SDHB: variants seen among roughly 807,000 people sequenced by gnomAD.
The protein encoded by SDHB is succinate dehydrogenase [ubiquinone] iron-sulfur subunit, mitochondrial.
A neutral mutation model predicts 39.7 loss-of-function variants in SDHB; 21 were observed. The observed-to-expected ratio is 0.53, with a 90% confidence interval of 0.37 to 0.76. The LOEUF (loss-of-function observed/expected upper bound fraction) is 0.76, where lower values mean the gene tolerates loss of function less well. SDHB is among the 30% of genes least tolerant of loss of function. The pLI, the probability that SDHB is intolerant of heterozygous loss-of-function variation, is 0.00. For synonymous variants in SDHB, 118 were observed against 117.0 expected (o/e 1.01, Z -0.06); for missense variants, 343 against 350.9 (o/e 0.98, Z 0.18).
At chr1:17,026,519 C>T (rs1227201500) in intron 5 of SDHB, among the ~76,000 whole-genome samples, 1 of 151,350 alleles carries the variant, frequency 6.6e-6, no homozygotes, top group Non-Finnish European at 1.5e-5. Context: ...TGTGAGCCAC[C>T]ACACTCAGCT....
chr1:17,025,273 A>G (rs547521859), intron 5 of SDHB, among the ~76,000 whole-genome samples: 3 of 152,374 alleles, frequency 2.0e-5, no homozygotes, highest in African/African-American at 4.8e-5. Flanking sequence ...TCACAATAAC[A>G]TAAGTGAAAA....
chr1:17,053,988 C>G lies in SDHB; in HGVS notation c.32G>C (p.Arg11Pro). The change falls in exon 1 of 8, where the codon CGC becomes CCC. Residue 11 changes from arginine to proline, a missense_variant. Coordinates refer to ENST00000375499, the MANE Select transcript of SDHB (RefSeq NM_003000.3). The stretch of plus-strand genomic sequence containing the variant: ...GCCAAGGGTTGTGGCCGGCAACCGG[C>G]GCCTCAAGGAGAGGGCGACCACCGC... MAAVVALSLR[R>P]RLPATTLGGA... 1.9e-6 allele frequency: 3 copies of G among 1,612,962 alleles called. No homozygotes were observed. The East Asian group carries it at 6.7e-5, about 36-fold the overall frequency.
intron 2 of SDHB, 115 bp from the exon 3 acceptor site, chr1:17,033,260 T>A (rs1358529648): frequency 8.4e-6 from 7 of 836,070 alleles, no homozygotes; most frequent in Non-Finnish European, 1.4e-5. Context: ...TCTTCTCAGG[T>A]CACCTTCGGA....
chr1:17,041,496 C>T (rs1340847594), intron 2 of SDHB, among the ~76,000 whole-genome samples: 2 of 151,938 alleles, frequency 1.3e-5, no homozygotes, highest in African/African-American at 4.8e-5. Flanking sequence ...ATGGCGAAAC[C>T]CCAACTCTAC....
Position 17,053,998 on chromosome 1 carries a change from A to G in SDHB, c.22T>C (p.Ser8Pro), listed in dbSNP as rs777447369. 2 of 1,612,738 alleles carry G rather than the reference A, an allele frequency of 1.2e-6. No individual in the cohort carries two copies. Among genetic ancestry groups the G allele is most frequent in the Non-Finnish European group, 1.7e-6 (2 of 1,179,552 alleles). The stretch of plus-strand genomic sequence containing the variant: ...GTGGCCGGCAACCGGCGCCTCAAGG[A>G]GAGGGCGACCACCGCCGCCATCTTG... MAAVVAL[S>P]LRRRLPATTL... is the part of the protein sequence containing the mutation. Residue 8 changes from serine to proline, a missense_variant, in exon 1 of 8, where the codon TCC (serine) becomes CCC (proline). By Grantham distance (74) the Ser-to-Pro change is moderately conservative (BLOSUM62 -1). Coordinates refer to ENST00000375499, the MANE Select transcript of SDHB (RefSeq NM_003000.3).
intron 3 of SDHB, among the ~76,000 whole-genome samples, chr1:17,029,070 G>A (rs992625509): frequency 7.7e-6 from 1 of 129,888 alleles, no homozygotes; most frequent in African/African-American, 2.7e-5. Context: ...CATGTGTCAC[G>A]TGTTTTGAAG....
intron 7 of SDHB, among the ~76,000 whole-genome samples, chr1:17,021,792 CT>C (rs2101512172): frequency 6.6e-6 from 1 of 152,288 alleles, no homozygotes; most frequent in Admixed American, 6.5e-5. Context: ...TTCTCTTGCC[CT>C]TCTGCCTTTT....
chr1:17,049,701 C>CCAG (rs1167986553), intron 1 of SDHB, among the ~76,000 whole-genome samples: 1 of 110,460 alleles, frequency 9.1e-6, no homozygotes, highest in Non-Finnish European at 1.7e-5. Flanking sequence ...ACTCTGTCAC[C>CCAG]CAGGCTGGAG....
At chr1:17,027,990 A>G (rs998688007) in intron 4 of SDHB, 125 bp from the exon 5 acceptor site, 1 of 696,586 alleles carries the variant, frequency 1.4e-6, no homozygotes, top group Non-Finnish European at 2.6e-6. Context: ...GGCAGAAGCC[A>G]GACTCTTTTC....
chr1:17,023,644 A>C (rs1328077378), intron 6 of SDHB, among the ~76,000 whole-genome samples: 1 of 152,174 alleles, frequency 6.6e-6, no homozygotes, highest in Admixed American at 6.5e-5. Flanking sequence ...CTTGCTCGCT[A>C]CAAGTCTTAT....
At chr1:17,035,254 C>T (rs1258935193) in intron 2 of SDHB, among the ~76,000 whole-genome samples, 1 of 152,144 alleles carries the variant, frequency 6.6e-6, no homozygotes, top group Non-Finnish European at 1.5e-5. Flanking sequence ...AAACAGACCA[C>T]TGCCCTTCCT....
At chr1:17,047,256 A>G (rs9435748) in intron 1 of SDHB, among the ~76,000 whole-genome samples, 63,896 of 151,420 alleles carry the variant, frequency 0.42, 15,093 homozygotes, top group Non-Finnish European at 0.54. Context: ...CTCGGGAGGC[A>G]GAGGCAGGAG....
intron 2 of SDHB, among the ~76,000 whole-genome samples, chr1:17,041,673 A>G (rs933964485): frequency 1.3e-5 from 2 of 152,232 alleles, no homozygotes; most frequent in Admixed American, 6.5e-5. Context: ...AAATAAAAAA[A>G]TAAAAAAGAA....
intron 1 of SDHB, chr1:17,052,223 CAATAGTT>C (rs1420393207): frequency 6.6e-6 from 1 of 152,156 alleles, no homozygotes; most frequent in Non-Finnish European, 1.5e-5. Flanking sequence ...GCAACACAAA[CAATAGTT>C]AATATACTAC....
intron 2 of SDHB, among the ~76,000 whole-genome samples, chr1:17,033,640 T>A (rs1049851811): frequency 6.6e-6 from 1 of 152,234 alleles, no homozygotes; most frequent in African/African-American, 2.4e-5. Context: ...GGCAGTGACA[T>A]GGTACTAAGC....
intron 2 of SDHB, among the ~76,000 whole-genome samples, chr1:17,039,428 A>AT (rs1376257127): frequency 3.7e-4 from 56 of 150,738 alleles, no homozygotes; most frequent in African/African-American, 1.2e-3. Context: ...AAAAAAAAAA[A>AT]AAAAAAAAAT....
chr1:17,019,180 G>A (rs949921352), intron 7 of SDHB, among the ~76,000 whole-genome samples: 2 of 152,174 alleles, frequency 1.3e-5, no homozygotes, highest in Non-Finnish European at 1.5e-5. Flanking sequence ...GCTCTGCCAC[G>A]TTGAATTCCT....
chr1:17,052,227 A>C (rs1160606531), intron 1 of SDHB: 2 of 152,218 alleles, frequency 1.3e-5, no homozygotes, highest in African/African-American at 4.8e-5. Context: ...CACAAACAAT[A>C]GTTAATATAC....
chr1:17,041,364 G>A (rs2078078891), intron 2 of SDHB, among the ~76,000 whole-genome samples: 1 of 151,752 alleles, frequency 6.6e-6, no homozygotes, highest in African/African-American at 2.4e-5. Context: ...TATCTATGAG[G>A]AAATTTAAAA....
Sources: allele counts gnomAD v4.1 joint callset (sites outside exome capture counted in the v4.1 genomes callset), GRCh38; gene constraint gnomAD v4.1.1; transcripts MANE v1.5; gene names NCBI Gene and HGNC (gene_info 2026-07-23, HGNC 2026-07-21).